WDR27: variants seen among roughly 807,000 people sequenced by gnomAD.
WDR27 encodes the protein WD repeat-containing protein 27.
WDR27 carries 100 observed loss-of-function variants against 114.4 expected under a neutral mutation model. The observed-to-expected ratio is 0.87, with a 90% confidence interval of 0.74 to 1.03. The LOEUF (loss-of-function observed/expected upper bound fraction) is 1.03. Ranked by LOEUF, WDR27 falls within the 50% of genes least tolerant of loss-of-function variation. WDR27 has a pLI of 0.00. For missense variants in WDR27, 1,129 were observed against 1,092.9 expected, an observed-to-expected ratio of 1.03 and a Z score of -0.47; for synonymous variants, 449 against 423.1, an observed-to-expected ratio of 1.06 and a Z score of -0.75.
intron 10 of WDR27, 129 bp downstream of exon 10, chr6:169,660,534 G>C (rs1163024289): frequency 1.3e-6 from 1 of 766,304 alleles, no homozygotes; most frequent in African/African-American, 1.7e-5. Context: ...GCTCAATGCT[G>C]AGTTGTGACT....
intron 7 of WDR27, chr6:169,664,567 ACCCCAGG>A (rs1827247202): frequency 1.5e-6 from 2 of 1,299,868 alleles, no homozygotes; most frequent in African/African-American, 1.5e-5. Flanking sequence ...TCCTCTGGGA[ACCCCAGG>A]CCCCAGGCTC....
chr6:169,557,142 CA>C (rs1459859708), intron 25 of WDR27, among the ~76,000 whole-genome samples: 2 of 152,182 alleles, frequency 1.3e-5, no homozygotes, highest in Non-Finnish European at 2.9e-5. Context: ...CTGGAAACAT[CA>C]AAAGATCCCC....
intron 25 of WDR27, among the ~76,000 whole-genome samples, chr6:169,499,322 G>C (rs746508350): frequency 5.9e-5 from 9 of 152,256 alleles, no homozygotes; most frequent in Non-Finnish European, 7.3e-5. Flanking sequence ...AGGGATGTGT[G>C]AGGCAGGGCT....
At chr6:169,658,787 C>T (rs929073890) in intron 12 of WDR27, among the ~76,000 whole-genome samples, 1 of 151,894 alleles carries the variant, frequency 6.6e-6, no homozygotes, top group Non-Finnish European at 1.5e-5. Flanking sequence ...GGGTTCCCAC[C>T]ATTCTTCTGC....
the WDR27 span, among the ~76,000 whole-genome samples, chr6:169,432,392 G>A: frequency 6.6e-6 from 1 of 152,108 alleles, no homozygotes; most frequent in Admixed American, 6.5e-5. Flanking sequence ...CAGCTGATAG[G>A]GTTTGGCTGT....
At chr6:169,484,528 A>G (rs1261287355) in intron 25 of WDR27, among the ~76,000 whole-genome samples, 3 of 152,222 alleles carry the variant, frequency 2.0e-5, no homozygotes, top group Non-Finnish European at 4.4e-5. Context: ...GAGAGGAAAC[A>G]AACGAATGAA....
intron 5 of WDR27, 156 bp from the exon 6 acceptor site, chr6:169,667,343 G>C: frequency 8.1e-7 from 1 of 1,234,800 alleles, no homozygotes; most frequent in Non-Finnish European, 1.0e-6. Context: ...TAAAAATGTA[G>C]TAACACCATA....
intron 25 of WDR27, among the ~76,000 whole-genome samples, chr6:169,522,689 G>T (rs1794526082): frequency 6.6e-6 from 1 of 151,734 alleles, no homozygotes; most frequent in Admixed American, 6.6e-5. Flanking sequence ...ACAAACACAT[G>T]AAAATCAAAC....
intron 25 of WDR27, among the ~76,000 whole-genome samples, chr6:169,482,580 C>T (rs1010657482): frequency 6.6e-6 from 1 of 152,150 alleles, no homozygotes; most frequent in Non-Finnish European, 1.5e-5. Flanking sequence ...TGTGCAATAA[C>T]AGTGGGAGAC....
At chr6:169,477,103 A>G (rs1230784839) in intron 25 of WDR27, among the ~76,000 whole-genome samples, 1 of 152,224 alleles carries the variant, frequency 6.6e-6, no homozygotes, top group African/African-American at 2.4e-5. Context: ...TGAGATAAGA[A>G]AGTATCTTCT....
chr6:169,524,025 T>G (rs1449225249), intron 25 of WDR27, among the ~76,000 whole-genome samples: 1 of 152,152 alleles, frequency 6.6e-6, no homozygotes, highest in Non-Finnish European at 1.5e-5. Flanking sequence ...GACATGATCT[T>G]GTACTTAGAA....
intron 21 of WDR27, among the ~76,000 whole-genome samples, chr6:169,628,692 A>AT (rs1219870237): frequency 2.0e-5 from 3 of 152,158 alleles, no homozygotes; most frequent in South Asian, 4.1e-4. Context: ...ATTCCACATC[A>AT]TTTTATAGTG....
rs551166599 is a variant in WDR27 at position 169,608,863 on chromosome 6, C to T, written c.2321+4696G>A. On this transcript the variant is annotated intron_variant, in intron 22 of 25. Coordinates refer to ENST00000448612, the MANE Select transcript of WDR27 (RefSeq NM_182552.5). Reference sequence around the variant, plus strand: ...AAGCCAAGTCCCTTCTGCCTATGAGCCTGTAATATCAAAAGCAAGCTAGTT... The same window carrying T: ...AAGCCAAGTCCCTTCTGCCTATGAGTCTGTAATATCAAAAGCAAGCTAGTT... 1.9e-4 allele frequency among the ~76,000 whole-genome samples: 29 copies of T among 152,286 alleles called. 1 individual carries two copies. The Middle Eastern group carries it at 0.014, about 71-fold the overall frequency.
At chr6:169,574,092 G>C (rs1238855057) in intron 24 of WDR27, among the ~76,000 whole-genome samples, 1 of 152,274 alleles carries the variant, frequency 6.6e-6, no homozygotes, top group Non-Finnish European at 1.5e-5. Flanking sequence ...AGTCACATCT[G>C]ACAGGGCGCA....
intron 25 of WDR27, among the ~76,000 whole-genome samples, chr6:169,470,054 T>A (rs866323300): frequency 2.6e-5 from 4 of 152,168 alleles, no homozygotes; most frequent in South Asian, 2.1e-4. Context: ...AAATATCCAA[T>A]TCCATTGCTC....
chr6:169,645,887 G>A (rs962950243), intron 16 of WDR27, among the ~76,000 whole-genome samples: 1 of 151,798 alleles, frequency 6.6e-6, no homozygotes, highest in African/African-American at 2.4e-5. Context: ...AAGTCACACT[G>A]TAGAAAAGCC....
At chr6:169,665,314 T>TGAA in intron 7 of WDR27, 172 bp downstream of exon 7, 1 of 1,395,976 alleles carries the variant, frequency 7.2e-7, no homozygotes, top group Non-Finnish European at 9.3e-7. Flanking sequence ...AGGACCATAT[T>TGAA]GAACCCACAG....
At chr6:169,604,723 T>C (rs1808754299) in intron 22 of WDR27, among the ~76,000 whole-genome samples, 2 of 151,944 alleles carry the variant, frequency 1.3e-5, no homozygotes, top group African/African-American at 2.4e-5. Flanking sequence ...CAGAATCCAA[T>C]AGCACATCAA....
chr6:169,688,781 G>C (rs375502133), intron 2 of WDR27, 36 bp downstream of exon 2: 15 of 1,521,154 alleles, frequency 9.9e-6, no homozygotes, highest in Non-Finnish European at 1.1e-5. Flanking sequence ...CAAGGGCAAG[G>C]CCTTCATGAC....
Sources: gnomAD v4.1 joint callset for allele counts (sites outside exome capture counted in the v4.1 genomes callset) on GRCh38, gnomAD v4.1.1 for gene constraint, MANE v1.5 for transcripts, NCBI Gene and HGNC (gene_info 2026-07-23, HGNC 2026-07-21) for gene names.